KAZN: variants seen among roughly 807,000 people sequenced by gnomAD.
The protein encoded by KAZN is kazrin.
Under a neutral mutation model 87.4 loss-of-function variants are expected in KAZN, and 40 were observed. That is an observed-to-expected ratio of 0.46 (90% CI 0.36 to 0.60). KAZN has a LOEUF of 0.60. KAZN is among the 20% of genes least tolerant of loss of function. The pLI, the probability that KAZN is intolerant of heterozygous loss-of-function variation, is 0.00. For synonymous variants in KAZN, 466 were observed against 458.3 expected, an observed-to-expected ratio of 1.02 and a Z score of -0.22; for missense variants, 898 against 1,073.9, an observed-to-expected ratio of 0.84 and a Z score of 2.29.
chr1:15,088,052 C>T (rs1160862365), intron 8 of KAZN, among the ~76,000 whole-genome samples: 1 of 152,202 alleles, frequency 6.6e-6, no homozygotes, highest in Admixed American at 6.5e-5. Context: ...AGCCTCTGAA[C>T]GTCTAGGCCA....
chr1:14,037,695 C>A (rs1031127665), intron 1 of KAZN, among the ~76,000 whole-genome samples: 1 of 152,174 alleles, frequency 6.6e-6, no homozygotes, highest in African/African-American at 2.4e-5. Context: ...TTGGTGGCAG[C>A]CTGGTCACAA....
intron 2 of KAZN, among the ~76,000 whole-genome samples, chr1:14,190,585 GAT>G (rs1250840604): frequency 6.6e-6 from 1 of 152,166 alleles, no homozygotes; most frequent in Non-Finnish European, 1.5e-5. Context: ...CTTTGGCTAA[GAT>G]AATGCAGTAA....
intron 2 of KAZN, among the ~76,000 whole-genome samples, chr1:14,488,155 T>C (rs1669448249): frequency 6.6e-6 from 1 of 152,220 alleles, no homozygotes; most frequent in Non-Finnish European, 1.5e-5. Context: ...TTTTGGGCTC[T>C]CCAGAGGCCC....
chr1:14,593,181 C>T (rs539723095), intron 2 of KAZN, among the ~76,000 whole-genome samples: 3 of 152,136 alleles, frequency 2.0e-5, no homozygotes, highest in Non-Finnish European at 4.4e-5. Context: ...AAGTGCTTTG[C>T]AAAATTAAGA....
chr1:14,958,860 G>A (rs942031418), intron 1 of KAZN, among the ~76,000 whole-genome samples: 6 of 152,182 alleles, frequency 3.9e-5, no homozygotes, highest in Admixed American at 2.6e-4. Flanking sequence ...GGAGGAGTCC[G>A]TGCAGAGGGT....
At chr1:14,152,124 T>C (rs1459198322) in intron 1 of KAZN, among the ~76,000 whole-genome samples, 3 of 152,232 alleles carry the variant, frequency 2.0e-5, no homozygotes, top group African/African-American at 4.8e-5. Context: ...TAACCATATA[T>C]GGGTAAATGG....
chr1:14,707,153 T>G (rs547449886), intron 1 of KAZN, among the ~76,000 whole-genome samples: 144 of 152,322 alleles, frequency 9.5e-4, no homozygotes, highest in Middle Eastern at 6.8e-3. Context: ...AAATGGATTT[T>G]CAGTACAACT....
intron 4 of KAZN, among the ~76,000 whole-genome samples, chr1:15,046,543 G>A (rs1289946317): frequency 6.6e-6 from 1 of 152,152 alleles, no homozygotes; most frequent in Non-Finnish European, 1.5e-5. Flanking sequence ...GTGCTTTGTG[G>A]GGCTCTTGTG....
intron 2 of KAZN, among the ~76,000 whole-genome samples, chr1:14,278,586 G>A (rs1412277916): frequency 6.6e-6 from 1 of 152,046 alleles, no homozygotes; most frequent in Non-Finnish European, 1.5e-5. Flanking sequence ...CACCGCGCCT[G>A]GTCTTCATTC....
At chr1:14,341,080 G>A (rs1354122382) in intron 2 of KAZN, among the ~76,000 whole-genome samples, 1 of 151,516 alleles carries the variant, frequency 6.6e-6, no homozygotes, top group South Asian at 2.1e-4. Context: ...TAGAGATTGG[G>A]GGGGGTTTCA....
intron 1 of KAZN, among the ~76,000 whole-genome samples, chr1:14,933,050 C>T (rs557876275): frequency 6.6e-6 from 1 of 152,204 alleles, no homozygotes; most frequent in Admixed American, 6.5e-5. Context: ...CCAGGTACCT[C>T]ATCTAAGTAG....
rs1286173904 is a variant in KAZN, at chr1:14,102,913, TC to T, written c.92-77521del. Reference sequence around the variant, plus strand: ...GTACACATTTGAATACTAATCTCTCTCTTTTTTTTTTTTTTAACGGAGTCTT... The same window carrying T: ...GTACACATTTGAATACTAATCTCTCTTTTTTTTTTTTTTTAACGGAGTCTT... On this transcript the variant is annotated intron_variant, in intron 1 of 16. Transcript: ENST00000636203. 4.3e-4 allele frequency among the ~76,000 whole-genome samples: 35 copies of T among 81,896 alleles called. 1 individual carries two copies. Among genetic ancestry groups the T allele is most frequent in the East Asian group, 1.6e-3 (2 of 1,218 alleles). 53.7% of individuals were successfully genotyped at this position (81,896 alleles called of 152,430 possible).
Position 14,018,468 on chromosome 1 carries a change from G to A in KAZN, c.91+124712G>A, listed in dbSNP as rs141812012. Among the ~76,000 whole-genome samples, 718 of 152,192 alleles carry A rather than the reference G, an allele frequency of 4.7e-3. 6 individuals carry two copies. The highest frequency in any genetic ancestry group is 7.8e-3 in the Non-Finnish European group (530 of 68,000). On this transcript the variant is annotated intron_variant, in intron 1 of 16. Coordinates refer to the KAZN transcript ENST00000636203. ...AAATATAACAGCTATAATTTATAGC[G>A]GTGATAATTTGCACATGTGATGGTT... is the stretch of plus-strand genomic sequence containing the variant.
chr1:14,703,851 C>G (rs1642061759), intron 1 of KAZN, among the ~76,000 whole-genome samples: 2 of 152,166 alleles, frequency 1.3e-5, no homozygotes, highest in Admixed American at 6.5e-5. Context: ...TGCGCTTCAG[C>G]CTGGGGCAAC....
intron 4 of KAZN, among the ~76,000 whole-genome samples, chr1:15,047,642 G>A (rs556237012): frequency 5.3e-5 from 8 of 152,114 alleles, no homozygotes; most frequent in South Asian, 2.1e-4. Context: ...GTGGTGGCAC[G>A]CAGCTGTAAT....
intron 2 of KAZN, among the ~76,000 whole-genome samples, chr1:14,477,031 A>C (rs1668769216): frequency 6.6e-6 from 1 of 152,100 alleles, no homozygotes; most frequent in South Asian, 2.1e-4. Flanking sequence ...GCCTAACTAA[A>C]ATATCTCACC....
chr1:14,078,075 A>G (rs1570683899), intron 1 of KAZN, among the ~76,000 whole-genome samples: 1 of 152,216 alleles, frequency 6.6e-6, no homozygotes, highest in East Asian at 1.9e-4. Flanking sequence ...GTGGCCCTAG[A>G]AAAGACACAT....
At chr1:14,894,995 T>C (rs1655108510) in intron 1 of KAZN, among the ~76,000 whole-genome samples, 2 of 152,348 alleles carry the variant, frequency 1.3e-5, no homozygotes, top group South Asian at 4.1e-4. Context: ...AGGCACCAAG[T>C]CTAGGGCCAT....
At chr1:14,868,158 C>A (rs1414963611) in intron 1 of KAZN, among the ~76,000 whole-genome samples, 1 of 151,768 alleles carries the variant, frequency 6.6e-6, no homozygotes. Flanking sequence ...GCAGCCATCG[C>A]ATAGGCGGGC....
Sources: allele counts gnomAD v4.1 joint callset (sites outside exome capture counted in the v4.1 genomes callset), GRCh38; gene constraint gnomAD v4.1.1; transcripts MANE v1.5; gene names NCBI Gene and HGNC (gene_info 2026-07-23, HGNC 2026-07-21).